USP47: variants seen among roughly 807,000 people sequenced by gnomAD.
The protein encoded by USP47 is ubiquitin specific peptidase 47, also known as ubiquitin carboxyl-terminal hydrolase 47.
Under a neutral mutation model 165.1 loss-of-function variants are expected in USP47, and 35 were observed. The ratio of observed to expected loss-of-function variants is 0.21; its 90% CI spans 0.16 to 0.28. The LOEUF (loss-of-function observed/expected upper bound fraction) is 0.28. Ranked by LOEUF, USP47 falls within the 10% of genes least tolerant of loss-of-function variation. The pLI is 1.00. For synonymous variants in USP47, 531 were observed against 544.5 expected, an observed-to-expected ratio of 0.98 and a Z score of 0.35; for missense variants, 1,277 against 1,607.4, an observed-to-expected ratio of 0.79 and a Z score of 3.52.
At chr11:11,861,534 G>A (rs1381262287) in intron 1 of USP47, among the ~76,000 whole-genome samples, 2 of 152,054 alleles carry the variant, frequency 1.3e-5, no homozygotes, top group Non-Finnish European at 2.9e-5. Flanking sequence ...TGCATTTTTA[G>A]TTTCCTATTA....
At chr11:11,913,237 C>A (rs1853137076) in intron 8 of USP47, among the ~76,000 whole-genome samples, 2 of 117,714 alleles carry the variant, frequency 1.7e-5, no homozygotes, top group East Asian at 2.7e-4. Context: ...ATATGATTAT[C>A]TATGTAGAAA....
chr11:11,948,044 G>C lies in USP47; in HGVS notation c.3191G>C (p.Arg1064Pro). Residue 1064 changes from arginine (R) to proline (P), a missense_variant, in exon 21 of 28, where the codon CGA becomes CCA. Physicochemically the swap from Arg to Pro is moderately radical, Grantham distance 103. Coordinates refer to ENST00000527733, the MANE Select transcript of USP47 (RefSeq NM_001282659.2). ...TTGTCCTCTCACTTCAAGGTCTTTCGAGTGTATGCCAGCAATCAAGAGTTT... is the reference window on the plus strand; with the variant it reads ...TTGTCCTCTCACTTCAAGGTCTTTCCAGTGTATGCCAGCAATCAAGAGTTT... The part of the protein sequence containing the change: ...GVLSSHFKVF[R>P]VYASNQEFES... The C allele has an allele frequency of 6.2e-7, 1 of 1,613,682 alleles. No homozygotes were observed. The highest frequency in any genetic ancestry group is 1.1e-5 in the South Asian group (1 of 91,054).
chr11:11,854,452 G>A (rs1209084410), intron 1 of USP47, among the ~76,000 whole-genome samples: 1 of 146,504 alleles, frequency 6.8e-6, no homozygotes, highest in Non-Finnish European at 1.5e-5. Flanking sequence ...TTGGTGGGAA[G>A]ATTAAATGAG....
intron 2 of USP47, among the ~76,000 whole-genome samples, chr11:11,882,029 C>CT (rs1850866678): frequency 6.6e-6 from 1 of 152,192 alleles, no homozygotes; most frequent in African/African-American, 2.4e-5. Context: ...TCTAGATAGC[C>CT]TTTTTTGTTT....
intron 15 of USP47, among the ~76,000 whole-genome samples, chr11:11,933,373 A>G (rs1854819238): frequency 6.6e-6 from 1 of 152,186 alleles, no homozygotes; most frequent in African/African-American, 2.4e-5. Flanking sequence ...TACTAAAAGA[A>G]AATAAATCCG....
chr11:11,884,360 C>T (rs1342489293), intron 2 of USP47, 107 bp from the exon 3 acceptor site: 1 of 786,138 alleles, frequency 1.3e-6, no homozygotes, highest in Non-Finnish European at 1.9e-6. Flanking sequence ...GAGAATTTTA[C>T]CAGATCATTA....
intron 1 of USP47, among the ~76,000 whole-genome samples, chr11:11,870,407 GA>G (rs2134241252): frequency 6.6e-6 from 1 of 152,124 alleles, no homozygotes; most frequent in African/African-American, 2.4e-5. Context: ...TCAAGAGAAG[GA>G]AAATGTATTA....
chr11:11,933,260 AGGT>A, intron 15 of USP47, 144 bp downstream of exon 15: 1 of 736,174 alleles, frequency 1.4e-6, no homozygotes, highest in Non-Finnish European at 2.2e-6. Context: ...TATACTATAA[AGGT>A]AAAATTTGAT....
At chr11:11,924,382 G>T (rs938710337) in intron 11 of USP47, among the ~76,000 whole-genome samples, 1 of 152,048 alleles carries the variant, frequency 6.6e-6, no homozygotes, top group African/African-American at 2.4e-5. Context: ...ATTTTGCAGA[G>T]GATTTTTGCA....
At chr11:11,885,837 G>T (rs1307158076) in intron 3 of USP47, among the ~76,000 whole-genome samples, 1 of 152,160 alleles carries the variant, frequency 6.6e-6, no homozygotes, top group East Asian at 1.9e-4. Context: ...GGTGCATTCA[G>T]GCCAGCAACA....
intron 4 of USP47, among the ~76,000 whole-genome samples, 177 bp downstream of exon 4, chr11:11,892,283 C>A (rs970895232): frequency 6.6e-6 from 1 of 151,688 alleles, no homozygotes; most frequent in Admixed American, 6.6e-5. Flanking sequence ...TCAACCCACT[C>A]GTTTCTACTA....
intron 7 of USP47, among the ~76,000 whole-genome samples, chr11:11,904,655 A>G (rs532995458): frequency 2.0e-5 from 3 of 152,206 alleles, no homozygotes; most frequent in South Asian, 4.1e-4. Context: ...AAGTTTTGGT[A>G]CAAAACTCTT....
In USP47 at chr11:11,842,070, C is replaced by A; in HGVS notation, c.-116C>A. ...GCCCAGGCTGAGGCCTCCGCTATTGCTGGAGCGCAGGCGGCGGAGAGGATG... is the reference window on the plus strand; with the variant it reads ...GCCCAGGCTGAGGCCTCCGCTATTGATGGAGCGCAGGCGGCGGAGAGGATG... On this transcript the variant is annotated 5_prime_UTR_variant, in exon 1 of 28. It adds an upstream start codon to the 5' untranslated region. Transcript: ENST00000527733. The A allele has an allele frequency of 7.5e-7, 1 of 1,339,722 alleles. No individual in the cohort carries two copies. The highest frequency in any genetic ancestry group is 1.0e-6 in the Non-Finnish European group (1 of 976,270). The allele number at this position is 1,339,722 out of a possible 1,614,324, so 83.0% of individuals were successfully genotyped here. A position where few individuals can be genotyped will look rare whatever the true frequency, so the allele number is the denominator to read the frequency against.
rs577218824 is a variant in USP47 at position 11,881,569 on chromosome 11, G to A, written c.243+1189G>A. Among the ~76,000 whole-genome samples the A allele has an allele frequency of 2.0e-5, 3 of 152,048 alleles. No individual in the cohort carries two copies. In the South Asian group the frequency reaches 6.2e-4, roughly 32 times the overall value. On this transcript the variant is annotated intron_variant, in intron 2 of 27. Transcript: ENST00000527733. ...CTTAGTTTTATTTTTCCATAGATCTGATCCTGTCTGTTTTCTATTTTTTAA... is the reference window on the plus strand; with the variant it reads ...CTTAGTTTTATTTTTCCATAGATCTAATCCTGTCTGTTTTCTATTTTTTAA...
intron 11 of USP47, among the ~76,000 whole-genome samples, chr11:11,928,294 T>A (rs951937965): frequency 5.3e-5 from 8 of 152,220 alleles, no homozygotes; most frequent in Middle Eastern, 3.4e-3. Context: ...CATTTTGGAT[T>A]GCAAATAAAT....
intron 1 of USP47, among the ~76,000 whole-genome samples, chr11:11,849,202 C>T (rs1848594888): frequency 6.6e-6 from 1 of 152,230 alleles, no homozygotes; most frequent in Admixed American, 6.5e-5. Context: ...CATGCCCAGC[C>T]TGTATACATC....
intron 11 of USP47, among the ~76,000 whole-genome samples, chr11:11,925,821 A>G (rs180950408): frequency 4.6e-5 from 7 of 152,136 alleles, no homozygotes; most frequent in Middle Eastern, 3.4e-3. Flanking sequence ...TTTGTTCCCA[A>G]TCTTAGAGGG....
chr11:11,847,921 A>C (rs920458964), intron 1 of USP47, among the ~76,000 whole-genome samples: 1 of 152,220 alleles, frequency 6.6e-6, no homozygotes, highest in Admixed American at 6.5e-5. Context: ...TAACCAGTTC[A>C]CTTACATTAT....
chr11:11,942,928 T>A lies in USP47; in HGVS notation c.2907T>A (p.Ser969Arg). The part of the protein sequence containing the change: ...IPLANGLDSH[S>R]ITSSRRTKAN... ...TGGCTAATGGACTTGACTCTCACAG[T>A]ATCACAAGTAGTAGAAGAACGAAAG... is the stretch of plus-strand genomic sequence containing the variant. The change falls in exon 20 of 28, where the codon AGT (serine) becomes AGA (arginine). Residue 969 changes from serine to arginine, a missense_variant. By Grantham distance (110) the Ser-to-Arg change is moderately radical. Transcript: ENST00000527733. The A allele has an allele frequency of 6.2e-7, 1 of 1,613,468 alleles. No individual in the cohort carries two copies. The highest frequency in any genetic ancestry group is 8.5e-7 in the Non-Finnish European group (1 of 1,179,718).
Sources: allele counts gnomAD v4.1 joint callset (sites outside exome capture counted in the v4.1 genomes callset), GRCh38; gene constraint gnomAD v4.1.1; transcripts MANE v1.5; gene names NCBI Gene and HGNC (gene_info 2026-07-23, HGNC 2026-07-21).